The following SLC36A1 variants were observed in gnomAD, a reference collection of about 807,000 sequenced individuals.
The protein encoded by SLC36A1 is proton-coupled amino acid transporter 1.
In SLC36A1, 30 loss-of-function variants were observed where a neutral mutation model predicts 47.5. The ratio of observed to expected loss-of-function variants is 0.63; its 90% confidence interval spans 0.47 to 0.86. The LOEUF is 0.86. Among genes scored for constraint, SLC36A1 ranks in the 40% least tolerant of loss-of-function variants. The pLI is 0.00. For synonymous variants in SLC36A1, 255 were observed against 249.7 expected (o/e 1.02, Z -0.20); for missense variants, 517 against 606.0 (o/e 0.85, Z 1.54).
chr5:151,382,340 A>G, the SLC36A1 span: 56 of 861,534 alleles, frequency 6.5e-5, no homozygotes, highest in Non-Finnish European at 1.7e-5. Flanking sequence ...GCCTCCCTGT[A>G]GATCTGGCCA....
chr5:151,534,936 T>C, the SLC36A1 span, among the ~76,000 whole-genome samples: 1 of 145,518 alleles, frequency 6.9e-6, no homozygotes, highest in Non-Finnish European at 1.5e-5. Context: ...ATAAAATGCA[T>C]TTATCCTTTG....
At chr5:151,470,972 T>C (rs1043701221) in intron 7 of SLC36A1, 6 of 152,254 alleles carry the variant, frequency 3.9e-5, no homozygotes, top group African/African-American at 1.4e-4. Context: ...TCGTTGCTTC[T>C]GAGATGTATT....
the SLC36A1 span, among the ~76,000 whole-genome samples, chr5:151,522,786 G>A: frequency 2.6e-5 from 4 of 152,080 alleles, no homozygotes; most frequent in South Asian, 2.1e-4. Context: ...GAATGAAGGC[G>A]GTGTGTTCAA....
intron 10 of SLC36A1, among the ~76,000 whole-genome samples, chr5:151,481,482 T>C (rs528292788): frequency 3.5e-4 from 53 of 152,376 alleles, no homozygotes; most frequent in African/African-American, 1.2e-3. Context: ...TTGGTTAGTA[T>C]GTGATTTTAG....
intron 1 of SLC36A1, among the ~76,000 whole-genome samples, chr5:151,456,519 G>A (rs1263539720): frequency 6.6e-6 from 1 of 152,164 alleles, no homozygotes; most frequent in Non-Finnish European, 1.5e-5. Flanking sequence ...ATAGCAAGAG[G>A]TTACAATGCT....
At chr5:151,532,281 A>AG in the SLC36A1 span, among the ~76,000 whole-genome samples, 1 of 152,256 alleles carries the variant, frequency 6.6e-6, no homozygotes, top group Non-Finnish European at 1.5e-5. Context: ...AACCACCCAT[A>AG]GAGAGTTCCT....
the SLC36A1 span, among the ~76,000 whole-genome samples, chr5:151,367,374 T>TCC: frequency 3.7e-4 from 54 of 145,526 alleles, 1 homozygote; most frequent in Middle Eastern, 3.4e-3. Flanking sequence ...TTTTTTTTTT[T>TCC]CCCCAGGGTA....
the SLC36A1 span, among the ~76,000 whole-genome samples, chr5:151,420,494 C>T: frequency 6.6e-6 from 1 of 152,192 alleles, no homozygotes; most frequent in South Asian, 2.1e-4. Context: ...GGTCTTCCTG[C>T]TAATGATGGG....
intron 10 of SLC36A1, among the ~76,000 whole-genome samples, chr5:151,483,421 T>G (rs1219691164): frequency 6.6e-6 from 1 of 151,624 alleles, no homozygotes; most frequent in Non-Finnish European, 1.5e-5. Context: ...TCCCCCCTTT[T>G]GTACACGCCA....
At chr5:151,461,991 C>A (rs1251042092) in intron 2 of SLC36A1, among the ~76,000 whole-genome samples, 2 of 147,620 alleles carry the variant, frequency 1.4e-5, no homozygotes, top group Admixed American at 6.8e-5. Context: ...CTAGAAAGAA[C>A]AACTAACAAA....
the SLC36A1 span, chr5:151,511,927 A>C: frequency 1.8e-6 from 1 of 553,514 alleles, no homozygotes; most frequent in African/African-American, 1.9e-5. Context: ...TGAGGTCCCC[A>C]TTCATATCCT....
the SLC36A1 span, among the ~76,000 whole-genome samples, chr5:151,552,748 T>C: frequency 2.0e-5 from 3 of 152,168 alleles, no homozygotes; most frequent in Non-Finnish European, 4.4e-5. Context: ...ATGGGCACTT[T>C]CCCCTGATCT....
At chr5:151,487,370 G>T (rs1003955473) in intron 10 of SLC36A1, among the ~76,000 whole-genome samples, 2 of 152,228 alleles carry the variant, frequency 1.3e-5, no homozygotes, top group Non-Finnish European at 1.5e-5. Context: ...CTGAGTTTCA[G>T]ATGTGAGAGC....
the SLC36A1 span, among the ~76,000 whole-genome samples, chr5:151,366,066 T>C: frequency 6.6e-6 from 1 of 152,178 alleles, no homozygotes; most frequent in Non-Finnish European, 1.5e-5. Context: ...GTAGAGCACC[T>C]TAGCTTTTAA....
upstream of SLC36A1, among the ~76,000 whole-genome samples, chr5:151,432,352 C>T (rs1054538185): frequency 6.6e-6 from 1 of 152,128 alleles, no homozygotes; most frequent in African/African-American, 2.4e-5. Context: ...AAGGAAAATC[C>T]CTTGCATTGC....
chr5:151,476,999 G>A (rs1758161224), intron 9 of SLC36A1: 1 of 636,706 alleles, frequency 1.6e-6, no homozygotes, highest in African/African-American at 1.8e-5. Context: ...TTTCTCCTTG[G>A]AATTCCTAAG....
At chr5:151,414,076 G>A in the SLC36A1 span, among the ~76,000 whole-genome samples, 13 of 152,092 alleles carry the variant, frequency 8.5e-5, no homozygotes, top group African/African-American at 1.9e-4. Context: ...AAAGCAACTT[G>A]TCTACCCTCT....
chr5:151,402,230 C>T, the SLC36A1 span, among the ~76,000 whole-genome samples: 1 of 152,188 alleles, frequency 6.6e-6, no homozygotes, highest in South Asian at 2.1e-4. Context: ...GCTTTTTCTG[C>T]ATCAATCGAG....
chr5:151,488,463 C>T lies in SLC36A1; in HGVS notation c.*209C>T. On this transcript the variant is annotated 3_prime_UTR_variant, in exon 11 of 11. Transcript: ENST00000243389. The stretch of plus-strand genomic sequence containing the variant: ...AGACACGCAGAAGTGCTACTAGTGA[C>T]AGGGCTGCCATCGCTCACCTGTACC... The T allele has an allele frequency of 1.6e-6, 1 of 624,662 alleles. No homozygotes were observed. Among genetic ancestry groups the T allele is most frequent in the Admixed American group, 3.0e-5 (1 of 33,282 alleles). 38.7% of individuals were successfully genotyped at this position (624,662 alleles called of 1,614,324 possible).
Sources: gnomAD v4.1 joint callset for allele counts (sites outside exome capture counted in the v4.1 genomes callset) on GRCh38, gnomAD v4.1.1 for gene constraint, MANE v1.5 for transcripts, NCBI Gene and HGNC (gene_info 2026-07-23, HGNC 2026-07-21) for gene names.